The following PTPRF variants were observed in gnomAD, a reference collection of about 807,000 sequenced individuals.
PTPRF encodes receptor-type tyrosine-protein phosphatase F.
Under a neutral mutation model 201.8 loss-of-function variants are expected in PTPRF, and 59 were observed. That is an observed-to-expected ratio of 0.29 (90% confidence interval 0.24 to 0.36). The LOEUF is 0.36. PTPRF is among the 10% of genes least tolerant of loss of function. The pLI is 1.00. For missense variants in PTPRF, 2,132 were observed against 2,690.5 expected (o/e 0.79, Z 4.59); for synonymous variants, 1,088 against 1,089.7 (o/e 1.00, Z 0.03).
Position 43,620,839 on chromosome 1 carries a change from A to T in PTPRF, c.5366A>T (p.Asp1789Val). 1 of 1,610,472 alleles carries T rather than the reference A, an allele frequency of 6.2e-7. No homozygotes were observed. The highest frequency in any genetic ancestry group is 1.1e-5 in the South Asian group (1 of 90,420). The change falls in exon 32 of 34, where the codon GAT becomes GTT. Residue 1789 changes from aspartate to valine, a missense_variant and splice_region_variant. This residue lies in a region of PTPRF where 519 missense variants were observed against 659.5 expected (regional missense o/e 0.79). Coordinates refer to ENST00000359947, the MANE Select transcript of PTPRF (RefSeq NM_002840.5). ...LREFKVTDAR[D>V]GQSRTIRQFQ... ...ATGTACCCCACCCACCTTTCCCAGG[A>T]TGGGCAGTCAAGGACAATCCGGCAG...
chr1:43,597,326 C>CTATG (rs981804193), intron 11 of PTPRF, among the ~76,000 whole-genome samples: 2 of 151,820 alleles, frequency 1.3e-5, no homozygotes, highest in African/African-American at 4.8e-5. Flanking sequence ...GTGTGAGACA[C>CTATG]TATGTATATG....
chr1:43,559,908 C>T (rs551535139), intron 5 of PTPRF, among the ~76,000 whole-genome samples: 95 of 116,036 alleles, frequency 8.2e-4, no homozygotes, highest in African/African-American at 3.0e-3. Flanking sequence ...TGTGTGTGTG[C>T]GCGCGTGTGT....
chr1:43,526,876 G>A (rs1266775379), upstream of PTPRF, among the ~76,000 whole-genome samples: 1 of 152,180 alleles, frequency 6.6e-6, no homozygotes, highest in Non-Finnish European at 1.5e-5. Context: ...AGCAGCAGCA[G>A]CCTGAAAAAT....
At chr1:43,621,345 C>G (rs1367768467) in intron 33 of PTPRF, 113 bp downstream of exon 33, 2 of 1,394,260 alleles carry the variant, frequency 1.4e-6, no homozygotes, top group African/African-American at 1.4e-5. Flanking sequence ...ATGCTGCCAA[C>G]CTTTCACGTG....
chr1:43,545,129 G>T lies in PTPRF; in HGVS notation c.54G>T (p.Leu18=). The change falls in exon 3 of 34, where the codon CTG becomes CTT. Residue 18 remains leucine (L), a synonymous_variant. Coordinates refer to ENST00000359947, the MANE Select transcript of PTPRF (RefSeq NM_002840.5). ...CGATGGTGCCCCTTGTGCCTGCACT[G>T]GTGATGCTTGGTTTGGTGGCAGGCG... The part of the protein sequence containing the change: ...GRTMVPLVPA[L]VMLGLVAGAH... 6.3e-7 allele frequency: 1 copy of T among 1,589,622 alleles called. No homozygotes were observed. Among genetic ancestry groups the T allele is most frequent in the Non-Finnish European group, 8.6e-7 (1 of 1,167,580 alleles).
At chr1:43,598,468 C>G in intron 12 of PTPRF, 1 of 521,862 alleles carries the variant, frequency 1.9e-6, no homozygotes, top group Non-Finnish European at 3.4e-6. Context: ...ACCTGTTCCC[C>G]CATGTCGACC....
intron 23 of PTPRF, among the ~76,000 whole-genome samples, chr1:43,615,710 G>GCGCA (rs1657665791): frequency 2.6e-5 from 4 of 151,916 alleles, no homozygotes; most frequent in Non-Finnish European, 5.9e-5. Flanking sequence ...GGGACTACAG[G>GCGCA]TGCCCGCTAC....
In PTPRF at chr1:43,622,030, C is replaced by CGGAGG. The variant is rs1659341939; in HGVS notation, c.*27_*28insGGAGG. ...TACCGCTCCCCTCTCCTCCGCCACC[C>CGGAGG]CCGCCGTGGGGCTCCGGAGGGGACC... On this transcript the variant is annotated 3_prime_UTR_variant, in exon 34 of 34. Transcript: ENST00000359947. The CGGAGG allele has an allele frequency of 1.2e-6, 2 of 1,611,370 alleles. No individual in the cohort carries two copies. The highest frequency in any genetic ancestry group is 1.3e-5 in the African/African-American group (1 of 74,906).
intron 11 of PTPRF, among the ~76,000 whole-genome samples, chr1:43,595,983 C>T (rs529213403): frequency 6.6e-6 from 1 of 152,158 alleles, no homozygotes; most frequent in East Asian, 1.9e-4. Flanking sequence ...GCATAGGACG[C>T]CAGCCTGCCT....
At chr1:43,551,533 G>A (rs1295115051) in intron 3 of PTPRF, among the ~76,000 whole-genome samples, 1 of 152,062 alleles carries the variant, frequency 6.6e-6, no homozygotes, top group African/African-American at 2.4e-5. Context: ...GCCTGCCCTA[G>A]GCACTCTAAG....
Position 43,546,569 on chromosome 1 carries a change from C to T in PTPRF, c.91+1403C>T, listed in dbSNP as rs1384539747. On this transcript the variant is annotated intron_variant, in intron 3 of 33. Transcript: ENST00000359947. The surrounding 1 kb of genome is among the most constrained non-coding windows in gnomAD (Gnocchi z 4.2). The stretch of plus-strand genomic sequence containing the variant: ...CATTGAAGTACTGTCCTTGCCCTCC[C>T]CGCCGACCCAACCCCAGGCACTTTC... Among the ~76,000 whole-genome samples the T allele has an allele frequency of 1.3e-5, 2 of 152,092 alleles. No homozygotes were observed. Among genetic ancestry groups the T allele is most frequent in the African/African-American group, 4.8e-5 (2 of 41,404 alleles).
chr1:43,579,112 G>A (rs137905725), intron 7 of PTPRF, 192 bp downstream of exon 7: 13 of 715,922 alleles, frequency 1.8e-5, no homozygotes, highest in African/African-American at 7.0e-5. Context: ...CCACTACTTC[G>A]CCTTCCTTCC....
In PTPRF at chr1:43,553,987, G is replaced by A. The variant is rs376285140; in HGVS notation, c.379+46G>A. On this transcript the variant is annotated intron_variant, in intron 5 of 33. Coordinates refer to ENST00000359947, the MANE Select transcript of PTPRF (RefSeq NM_002840.5). This position sits in a 1 kb window ranked among gnomAD's most constrained non-coding sequence, Gnocchi z 4.1. Reference sequence around the variant, plus strand: ...GCACGGTGGGCTGCCGGGCTGAGGCGTGGGAAGAGCCAGCCAGCCCTGATC... The same window carrying A: ...GCACGGTGGGCTGCCGGGCTGAGGCATGGGAAGAGCCAGCCAGCCCTGATC... 1.6e-5 allele frequency: 26 copies of A among 1,605,774 alleles called. No individual in the cohort carries two copies. Among genetic ancestry groups the A allele is most frequent in the African/African-American group, 2.7e-5 (2 of 74,812 alleles).
chr1:43,620,164 A>T lies in PTPRF; in HGVS notation c.5181A>T (p.Leu1727=). 6.2e-7 allele frequency: 1 copy of T among 1,614,126 alleles called. No homozygotes were observed. The highest frequency in any genetic ancestry group is 8.5e-7 in the Non-Finnish European group (1 of 1,179,980). The part of the protein sequence containing the change: ...AESTEDFWRM[L]WEHNSTIIVM... ...GCACCGAGGACTTCTGGCGCATGCT[A>T]TGGGAGCACAATTCCACCATCATCG... The change falls in exon 30 of 34, where the codon CTA becomes CTT. Residue 1727 remains leucine, a synonymous_variant. Transcript: ENST00000359947.
At chr1:43,585,324 G>C (rs1648855712) in intron 7 of PTPRF, among the ~76,000 whole-genome samples, 1 of 152,124 alleles carries the variant, frequency 6.6e-6, no homozygotes, top group African/African-American at 2.4e-5. Flanking sequence ...GTTGGCACTT[G>C]GAATACAAGG....
At chr1:43,620,263 A>G (rs1374057732) in intron 30 of PTPRF, 42 bp downstream of exon 30, 1 of 1,609,418 alleles carries the variant, frequency 6.2e-7, no homozygotes, top group South Asian at 1.1e-5. Flanking sequence ...CATACCTGGG[A>G]GAACACCAGC....
chr1:43,522,269 C>A (rs1326431345), upstream of PTPRF, among the ~76,000 whole-genome samples: 1 of 152,184 alleles, frequency 6.6e-6, no homozygotes, highest in Non-Finnish European at 1.5e-5. Context: ...GAAAAGAGCT[C>A]CAGGTGCCAT....
At chr1:43,591,791 G>C in intron 9 of PTPRF, 21 bp from the exon 10 acceptor site, 1 of 1,612,358 alleles carries the variant, frequency 6.2e-7, no homozygotes, top group Non-Finnish European at 8.5e-7. Context: ...AGGCTGACCT[G>C]CCTGGTGTGG....
upstream of PTPRF, among the ~76,000 whole-genome samples, chr1:43,525,688 C>G (rs986115974): frequency 3.3e-5 from 5 of 151,126 alleles, no homozygotes; most frequent in Admixed American, 3.3e-4. Context: ...ACCTGTAATC[C>G]CAGCTACTTG....
Sources: gnomAD v4.1 joint callset for allele counts (sites outside exome capture counted in the v4.1 genomes callset) on GRCh38, gnomAD v4.1.1 for gene constraint, gnomAD v4.1.1 regional missense constraint, Gnocchi (gnomAD v3.1) non-coding constraint, MANE v1.5 for transcripts, NCBI Gene and HGNC (gene_info 2026-07-23, HGNC 2026-07-21) for gene names.